ABL1: variants seen among roughly 807,000 people sequenced by gnomAD.
The protein encoded by ABL1 is ABL proto-oncogene 1, non-receptor tyrosine kinase, also known as tyrosine-protein kinase ABL1.
Under a neutral mutation model 94.7 loss-of-function variants are expected in ABL1, and 11 were observed. That is an observed-to-expected ratio of 0.12 (90% CI 0.07 to 0.19). The LOEUF is 0.19. Ranked by LOEUF, ABL1 falls within the 10% of genes least tolerant of loss-of-function variation. The probability of loss-of-function intolerance (pLI) is 1.00; values close to 1 mark genes in which losing one functional copy is unlikely to be tolerated. For missense variants in ABL1, 1,082 were observed against 1,489.4 expected, an observed-to-expected ratio of 0.73 and a Z score of 4.50; for synonymous variants, 656 against 622.4, an observed-to-expected ratio of 1.05 and a Z score of -0.80.
intron 6 of ABL1, 30 bp from the exon 7 acceptor site, chr9:130,874,838 C>G: frequency 6.2e-7 from 1 of 1,610,180 alleles, no homozygotes; most frequent in South Asian, 1.1e-5. Flanking sequence ...TGGCCAGGAG[C>G]TCTCATGGGT....
At chr9:130,797,236 G>GGAAAAAAAAAAAAA (rs1491324780) in intron 1 of ABL1, among the ~76,000 whole-genome samples, 2 of 55,168 alleles carry the variant, frequency 3.6e-5, no homozygotes, top group African/African-American at 1.2e-4. Flanking sequence ...ACTCCATCTC[G>GGAAAAAAAAAAAAA]AAAAAAAAAA....
Position 130,872,771 on chromosome 9 carries a change from G to C in ABL1, c.908-89G>C. The stretch of plus-strand genomic sequence containing the variant: ...GGCCCAGGACTGAGGAGCAGAGTCA[G>C]AATCCTTCAGAAGGCTTTTTCTTTA... On this transcript the variant is annotated intron_variant, in intron 5 of 10. Coordinates refer to ENST00000318560, the MANE Select transcript of ABL1 (RefSeq NM_005157.6). This position sits in a 1 kb window ranked among gnomAD's most constrained non-coding sequence, Gnocchi z 5.0. 7.2e-7 allele frequency: 1 copy of C among 1,390,726 alleles called. No individual in the cohort carries two copies. The highest frequency in any genetic ancestry group is 9.9e-7 in the Non-Finnish European group (1 of 1,014,284). 86.1% of individuals were successfully genotyped at this position (1,390,726 alleles called of 1,614,324 possible).
chr9:130,771,752 C>CTTTT (rs57339049), intron 1 of ABL1, among the ~76,000 whole-genome samples: 1 of 106,920 alleles, frequency 9.4e-6, no homozygotes, highest in African/African-American at 3.5e-5. Flanking sequence ...TTCTTTCTTT[C>CTTTT]TTTTTTTTTT....
intron 1 of ABL1, among the ~76,000 whole-genome samples, chr9:130,781,291 C>T (rs1829751985): frequency 6.6e-6 from 1 of 152,168 alleles, no homozygotes; most frequent in Non-Finnish European, 1.5e-5. Context: ...ACAGGATACA[C>T]AGTAGGGTGA....
chr9:130,775,548 A>G (rs938581909), intron 1 of ABL1, among the ~76,000 whole-genome samples: 12 of 152,188 alleles, frequency 7.9e-5, no homozygotes, highest in African/African-American at 2.7e-4. Flanking sequence ...AAACTGAGGG[A>G]TAAAGCTGAA....
At chr9:130,800,135 G>A (rs1182816867) in intron 1 of ABL1, among the ~76,000 whole-genome samples, 1 of 152,130 alleles carries the variant, frequency 6.6e-6, no homozygotes, top group Admixed American at 6.6e-5. Flanking sequence ...GCCTTCCAAA[G>A]TGCTGGGATT....
intron 1 of ABL1, among the ~76,000 whole-genome samples, chr9:130,736,578 G>A (rs758972495): frequency 5.3e-5 from 8 of 150,728 alleles, no homozygotes; most frequent in Non-Finnish European, 8.9e-5. Flanking sequence ...CGCAACCTCC[G>A]CCTCCTAGGT....
intron 1 of ABL1, among the ~76,000 whole-genome samples, chr9:130,852,070 C>T (rs192236206): frequency 3.9e-5 from 6 of 152,172 alleles, no homozygotes; most frequent in Admixed American, 6.5e-5. Context: ...TGAGCCTCCA[C>T]GCCGGGCCTC....
chr9:130,761,012 A>G (rs1400226350), intron 1 of ABL1, among the ~76,000 whole-genome samples: 5 of 139,036 alleles, frequency 3.6e-5, no homozygotes, highest in Admixed American at 2.3e-4. Flanking sequence ...CAGTGGTGCA[A>G]TCTCGGCTCA....
At position 130,884,019 on chromosome 9, in the gene ABL1, C is replaced by T. The variant is rs1371645607; in HGVS notation, c.1729C>T (p.Arg577Ter). Residue 577 changes from arginine (R) to a stop codon, truncating the protein, a stop_gained, in exon 11 of 11, where the codon CGA becomes TGA. Coordinates refer to ENST00000318560, the MANE Select transcript of ABL1 (RefSeq NM_005157.6). LOFTEE classifies it high-confidence loss of function. The surrounding 1 kb of genome is among the most constrained non-coding windows in gnomAD (Gnocchi z 5.6). The part of the protein sequence containing the change: ...AVSPLLPRKE[R>*]GPPEGGLNED... Reference sequence around the variant, plus strand: ...GTCTCCATTGCTCCCTCGAAAAGAGCGAGGTCCCCCGGAGGGCGGCCTGAA... The same window carrying T: ...GTCTCCATTGCTCCCTCGAAAAGAGTGAGGTCCCCCGGAGGGCGGCCTGAA... The T allele has an allele frequency of 1.2e-6, 2 of 1,613,748 alleles. No individual in the cohort carries two copies. Among genetic ancestry groups the T allele is most frequent in the Non-Finnish European group, 8.5e-7 (1 of 1,180,002 alleles).
chr9:130,771,464 C>G (rs548976947), intron 1 of ABL1, among the ~76,000 whole-genome samples: 6 of 152,178 alleles, frequency 3.9e-5, no homozygotes, highest in African/African-American at 1.4e-4. Context: ...AACATTTGTT[C>G]TTTCTTAGGC....
intron 1 of ABL1, among the ~76,000 whole-genome samples, chr9:130,763,377 A>G (rs1832141715): frequency 6.6e-6 from 1 of 152,128 alleles, no homozygotes; most frequent in South Asian, 2.1e-4. Context: ...CAATGCCTAC[A>G]ATATGCCAGG....
At chr9:130,757,448 G>C (rs1335678146) in intron 1 of ABL1, among the ~76,000 whole-genome samples, 1 of 151,778 alleles carries the variant, frequency 6.6e-6, no homozygotes, top group African/African-American at 2.4e-5. Flanking sequence ...TGTAGTCCCA[G>C]CTACTAGGGA....
In ABL1 at chr9:130,803,447, A is replaced by G. The variant is rs943742262; in HGVS notation, c.137-50617A>G. Among the ~76,000 whole-genome samples the G allele has an allele frequency of 2.6e-5, 4 of 152,384 alleles. No individual in the cohort carries two copies. The East Asian group carries it at 7.7e-4, about 29-fold the overall frequency. On this transcript the variant is annotated intron_variant, in intron 1 of 10. Coordinates refer to the ABL1 transcript ENST00000372348. Reference sequence around the variant, plus strand: ...TCTGTCATGTCTGTGCATGACATAAATCATAATATCCTAAGACACAAAATT... The same window carrying G: ...TCTGTCATGTCTGTGCATGACATAAGTCATAATATCCTAAGACACAAAATT...
Position 130,738,952 on chromosome 9 carries a change from G to A in ABL1, c.136+24497G>A, listed in dbSNP as rs146635705. On this transcript the variant is annotated intron_variant, in intron 1 of 10. Coordinates refer to the ABL1 transcript ENST00000372348. ...GGCTGGAGTGCAGTGGTGCGATCTC[G>A]ATTCACGGCAACCCCCACCTCCCTC... Among the ~76,000 whole-genome samples, 660 of 152,252 alleles carry A rather than the reference G, an allele frequency of 4.3e-3. 2 individuals carry two copies. Among genetic ancestry groups the A allele is most frequent in the African/African-American group, 0.014 (602 of 41,548 alleles).
intron 1 of ABL1, among the ~76,000 whole-genome samples, chr9:130,721,630 C>T (rs760691521): frequency 1.3e-5 from 2 of 151,658 alleles, no homozygotes; most frequent in East Asian, 1.9e-4. Flanking sequence ...GAATCACCTG[C>T]GCCTGGGAAG....
At chr9:130,779,638 T>C (rs1829730706) in intron 1 of ABL1, among the ~76,000 whole-genome samples, 1 of 152,140 alleles carries the variant, frequency 6.6e-6, no homozygotes, top group Non-Finnish European at 1.5e-5. Flanking sequence ...ATGGTATGTT[T>C]GATGGTGAAA....
intron 1 of ABL1, among the ~76,000 whole-genome samples, chr9:130,767,823 G>A (rs970022307): frequency 3.2e-4 from 49 of 152,140 alleles, no homozygotes; most frequent in African/African-American, 1.1e-3. Flanking sequence ...AAACAGAAAT[G>A]GCCACCTGCA....
intron 1 of ABL1, among the ~76,000 whole-genome samples, chr9:130,779,160 G>A (rs971992907): frequency 6.6e-6 from 1 of 152,232 alleles, no homozygotes. Flanking sequence ...CAGCTGTGAG[G>A]TGATCACAGT....
Sources: gnomAD v4.1 joint callset for allele counts (sites outside exome capture counted in the v4.1 genomes callset) on GRCh38, gnomAD v4.1.1 for gene constraint, Gnocchi (gnomAD v3.1) non-coding constraint, MANE v1.5 for transcripts, NCBI Gene and HGNC (gene_info 2026-07-23, HGNC 2026-07-21) for gene names.